The following PHKB variants were observed in gnomAD, a reference collection of about 807,000 sequenced individuals.
The protein encoded by PHKB is phosphorylase kinase regulatory subunit beta, also known as phosphorylase b kinase regulatory subunit beta.
A neutral mutation model predicts 152.1 loss-of-function variants in PHKB; 122 were observed. That is an observed-to-expected ratio of 0.80 (90% CI 0.69 to 0.93). The LOEUF (loss-of-function observed/expected upper bound fraction) is 0.93, where lower values mean the gene tolerates loss of function less well. Among genes scored for constraint, PHKB ranks in the 40% least tolerant of loss-of-function variants. The probability of loss-of-function intolerance (pLI) is 0.00; values close to 1 mark genes in which losing one functional copy is unlikely to be tolerated. For synonymous variants in PHKB, 436 were observed against 464.9 expected (o/e 0.94, Z 0.80); for missense variants, 1,304 against 1,328.4 (o/e 0.98, Z 0.29).
intron 14 of PHKB, among the ~76,000 whole-genome samples, chr16:47,638,607 A>G (rs1483134888): frequency 6.6e-6 from 1 of 152,254 alleles, no homozygotes; most frequent in Non-Finnish European, 1.5e-5. Flanking sequence ...AATGAGGTAG[A>G]TCTGCCAAAG....
At chr16:47,622,599 C>A (rs761498679) in intron 14 of PHKB, among the ~76,000 whole-genome samples, 5 of 152,166 alleles carry the variant, frequency 3.3e-5, no homozygotes, top group Non-Finnish European at 7.3e-5. Flanking sequence ...TGAGAGAATT[C>A]AGTTTCGCAT....
At chr16:47,670,263 TTCTC>T (rs1973615372) in intron 26 of PHKB, among the ~76,000 whole-genome samples, 1 of 152,218 alleles carries the variant, frequency 6.6e-6, no homozygotes, top group Non-Finnish European at 1.5e-5. Flanking sequence ...TTGAGGGTGT[TTCTC>T]AAGTGTTTGA....
intron 7 of PHKB, among the ~76,000 whole-genome samples, chr16:47,567,588 T>C (rs1179168646): frequency 6.6e-6 from 1 of 152,210 alleles, no homozygotes; most frequent in Non-Finnish European, 1.5e-5. Context: ...ATAGAAGTGA[T>C]GAAAGCAGGC....
chr16:47,577,110 T>C (rs905999828), intron 7 of PHKB, among the ~76,000 whole-genome samples: 1 of 152,114 alleles, frequency 6.6e-6, no homozygotes, highest in South Asian at 2.1e-4. Context: ...TTATTTTTCC[T>C]ACCTTCCTGT....
In PHKB at chr16:47,610,840, A is replaced by T. The variant is rs201217052; in HGVS notation, c.1378A>T (p.Ser460Cys). 6.8e-5 allele frequency: 109 copies of T among 1,600,244 alleles called. No homozygotes were observed. The highest frequency in any genetic ancestry group is 3.4e-5 in the Non-Finnish European group (40 of 1,167,620). ...IAKLLADELI[S>C]PKDIDPVQRY... ...CTTTTTTTCAGCTGATGAACTTATT[A>T]GTCCTAAAGACATTGATCCTGTCCA... The change falls in exon 14 of 31, where the codon AGT becomes TGT. Residue 460 changes from serine to cysteine, a missense_variant. Transcript: ENST00000323584.
At chr16:47,496,184 A>G (rs770104086) in intron 1 of PHKB, among the ~76,000 whole-genome samples, 1 of 151,934 alleles carries the variant, frequency 6.6e-6, no homozygotes, top group Non-Finnish European at 1.5e-5. Flanking sequence ...TTCTTAGACT[A>G]TATGGTATAC....
intron 1 of PHKB, among the ~76,000 whole-genome samples, chr16:47,482,893 G>A (rs2151634561): frequency 6.6e-6 from 1 of 151,644 alleles, no homozygotes; most frequent in East Asian, 1.9e-4. Flanking sequence ...ACTAAATTTT[G>A]TATTTTTAGG....
intron 20 of PHKB, 110 bp from the exon 21 acceptor site, chr16:47,660,396 T>C: frequency 1.2e-6 from 1 of 842,176 alleles, no homozygotes; most frequent in Non-Finnish European, 2.0e-6. Context: ...GTATATATTT[T>C]TAAGCAATTT....
intron 6 of PHKB, among the ~76,000 whole-genome samples, chr16:47,531,269 C>T (rs1271892780): frequency 1.3e-5 from 2 of 152,136 alleles, no homozygotes; most frequent in Non-Finnish European, 2.9e-5. Context: ...TATTGGAAGC[C>T]ACTTTTTATG....
Position 47,464,220 on chromosome 16 carries a change from C to A in PHKB, c.76+2794C>A. The A allele has an allele frequency of 7.4e-6, 4 of 540,226 alleles. No individual in the cohort carries two copies. The South Asian group carries it at 8.5e-5, about 11-fold the overall frequency. The allele number at this position is 540,226 out of a possible 1,614,324, so 33.5% of individuals were successfully genotyped here. A position where few individuals can be genotyped will look rare whatever the true frequency, so the allele number is the denominator to read the frequency against. On this transcript the variant is annotated intron_variant, in intron 1 of 30. Transcript: ENST00000323584. ...AGAACAGAGAGTGGAGTGCCTGCCC[C>A]GATATTTGCAAGCAGAGGCAGTTCC...
chr16:47,524,436 C>CT (rs1970733482), intron 6 of PHKB, among the ~76,000 whole-genome samples: 1 of 152,150 alleles, frequency 6.6e-6, no homozygotes, highest in Non-Finnish European at 1.5e-5. Flanking sequence ...ATATACAACA[C>CT]TTTTAATGGC....
In PHKB at chr16:47,693,464, G is replaced by A. The variant is rs144689991; in HGVS notation, c.2852G>A (p.Arg951His). Residue 951 changes from arginine (R) to histidine (H), a missense_variant, in exon 28 of 31, where the codon CGC becomes CAC. Coordinates refer to ENST00000323584, the MANE Select transcript of PHKB (RefSeq NM_000293.3). ...GACCGAGTGTGGCAGATTCTGGAGC[G>A]CACGCCCAATGGGATCATTGTTGCT... is the stretch of plus-strand genomic sequence containing the variant. Reference protein sequence around the residue: ...FYDRVWQILERTPNGIIVAGK... With the variant: ...FYDRVWQILEHTPNGIIVAGK... The A allele has an allele frequency of 5.0e-6, 8 of 1,613,852 alleles. No individual in the cohort carries two copies. The African/African-American group carries it at 5.3e-5, about 11-fold the overall frequency.
chr16:47,510,069 A>G (rs1970484113), intron 4 of PHKB, among the ~76,000 whole-genome samples: 1 of 152,188 alleles, frequency 6.6e-6, no homozygotes, highest in African/African-American at 2.4e-5. Flanking sequence ...TAAAGGATAT[A>G]AGCAAACACC....
intron 25 of PHKB, among the ~76,000 whole-genome samples, chr16:47,667,339 G>A (rs1159486905): frequency 6.6e-6 from 1 of 152,130 alleles, no homozygotes; most frequent in African/African-American, 2.4e-5. Flanking sequence ...GGAAGCTGAG[G>A]TAGGAGGATT....
chr16:47,694,267 C>G (rs1974111434), intron 28 of PHKB, among the ~76,000 whole-genome samples: 1 of 152,166 alleles, frequency 6.6e-6, no homozygotes, highest in Non-Finnish European at 1.5e-5. Context: ...CTAAGTCATT[C>G]TACTTATACA....
chr16:47,684,709 G>A (rs1973930587), intron 26 of PHKB, among the ~76,000 whole-genome samples: 1 of 152,040 alleles, frequency 6.6e-6, no homozygotes, highest in Non-Finnish European at 1.5e-5. Flanking sequence ...AGAGCTTGCA[G>A]TGAGCCGAGA....
chr16:47,529,868 A>G (rs560805006), intron 6 of PHKB: 1 of 152,308 alleles, frequency 6.6e-6, no homozygotes, highest in East Asian at 1.9e-4. Flanking sequence ...AAATGCAAGG[A>G]TGATTTAAAA....
chr16:47,536,146 T>C (rs1970948340), intron 6 of PHKB, among the ~76,000 whole-genome samples: 1 of 152,118 alleles, frequency 6.6e-6, no homozygotes. Context: ...CCGGCTCCCG[T>C]GTTCAAGCGA....
At chr16:47,551,872 G>C (rs1207986922) in intron 7 of PHKB, among the ~76,000 whole-genome samples, 1 of 152,030 alleles carries the variant, frequency 6.6e-6, no homozygotes. Flanking sequence ...GTCTCTAAGG[G>C]CTTGCTTTAT....
Sources: allele counts gnomAD v4.1 joint callset (sites outside exome capture counted in the v4.1 genomes callset), GRCh38; gene constraint gnomAD v4.1.1; transcripts MANE v1.5; gene names NCBI Gene and HGNC (gene_info 2026-07-23, HGNC 2026-07-21).